The following PIK3C2G variants were observed in gnomAD, a reference collection of about 807,000 sequenced individuals.
The protein encoded by PIK3C2G is phosphatidylinositol 3-kinase C2 domain-containing subunit gamma.
In PIK3C2G, 168 loss-of-function variants were observed where a neutral mutation model predicts 181.1. The ratio of observed to expected loss-of-function variants is 0.93; its 90% CI spans 0.82 to 1.05. The LOEUF is 1.05. PIK3C2G is among the 50% of genes least tolerant of loss of function. The probability of loss-of-function intolerance (pLI) is 0.00; values close to 1 mark genes in which losing one functional copy is unlikely to be tolerated. For synonymous variants in PIK3C2G, 573 were observed against 592.2 expected, an observed-to-expected ratio of 0.97 and a Z score of 0.47; for missense variants, 1,869 against 1,732.8, an observed-to-expected ratio of 1.08 and a Z score of -1.40.
intron 18 of PIK3C2G, among the ~76,000 whole-genome samples, chr12:18,448,811 T>C (rs1947172636): frequency 6.6e-6 from 1 of 151,584 alleles, no homozygotes; most frequent in African/African-American, 2.4e-5. Flanking sequence ...ATGTATATAT[T>C]ATACACACAC....
At chr12:18,685,482 T>C in the PIK3C2G span, 7 of 217,086 alleles carry the variant, frequency 3.2e-5, no homozygotes, top group African/African-American at 1.6e-4. Flanking sequence ...TTTTGTTCTT[T>C]GACTTACATT....
intron 14 of PIK3C2G, among the ~76,000 whole-genome samples, chr12:18,382,454 T>C (rs1592118345): frequency 1.3e-5 from 2 of 152,298 alleles, no homozygotes; most frequent in African/African-American, 4.8e-5. Context: ...TTCCTGATTG[T>C]AGTTTGTCAG....
the PIK3C2G span, among the ~76,000 whole-genome samples, chr12:18,664,418 T>C: frequency 6.6e-6 from 1 of 152,210 alleles, no homozygotes; most frequent in South Asian, 2.1e-4. Flanking sequence ...TTATACATAC[T>C]GTGGAATATT....
chr12:18,505,177 T>C (rs1941739774), intron 23 of PIK3C2G, 115 bp from the exon 24 acceptor site: 1 of 844,248 alleles, frequency 1.2e-6, no homozygotes, highest in Non-Finnish European at 1.8e-6. Context: ...GATGTAGAAA[T>C]TTTTCCTGAT....
the PIK3C2G span, among the ~76,000 whole-genome samples, chr12:18,697,286 A>C: frequency 6.6e-6 from 1 of 152,166 alleles, no homozygotes. Context: ...TAAAAATTAC[A>C]GTTAATTTTA....
the PIK3C2G span, among the ~76,000 whole-genome samples, chr12:18,684,549 A>G: frequency 6.6e-6 from 1 of 152,060 alleles, no homozygotes; most frequent in Non-Finnish European, 1.5e-5. Context: ...AAACTGAGCC[A>G]CAAAGATGTT....
chr12:18,292,059 A>C (rs1211720620), intron 4 of PIK3C2G, among the ~76,000 whole-genome samples: 1 of 150,622 alleles, frequency 6.6e-6, no homozygotes, highest in Non-Finnish European at 1.5e-5. Flanking sequence ...AAATACAAAA[A>C]ATTAGCCAGG....
chr12:18,699,467 T>A, the PIK3C2G span, among the ~76,000 whole-genome samples: 1 of 152,142 alleles, frequency 6.6e-6, no homozygotes, highest in African/African-American at 2.4e-5. Flanking sequence ...AGTTCAAGCC[T>A]TCTAATTCGG....
chr12:18,719,646 A>G, the PIK3C2G span: 7 of 1,551,500 alleles, frequency 4.5e-6, no homozygotes, highest in Non-Finnish European at 6.1e-6. Context: ...AAAAAATAAA[A>G]TAAAATAAGT....
At chr12:18,253,890 C>T (rs983506442) in intron 1 of PIK3C2G, among the ~76,000 whole-genome samples, 11 of 148,928 alleles carry the variant, frequency 7.4e-5, no homozygotes, top group African/African-American at 2.7e-4. Context: ...ATTAGCCAAA[C>T]CTTATCTTCT....
At position 18,532,884 on chromosome 12, in the gene PIK3C2G, T is replaced by G. The variant is rs1282317092; in HGVS notation, c.3324-5272T>G. Among the ~76,000 whole-genome samples, 15 of 44,274 alleles carry G rather than the reference T, an allele frequency of 3.4e-4. No individual in the cohort carries two copies. The Admixed American group carries it at 4.4e-3, about 13-fold the overall frequency. The allele number at this position is 44,274 out of a possible 152,430, so 29.0% of individuals were successfully genotyped here. ...GTGGTTACAATCTAAAAGTTTGCTGTTTTTTTTTTTTTTTTTTCAGCTGCC... is the reference window on the plus strand; with the variant it reads ...GTGGTTACAATCTAAAAGTTTGCTGGTTTTTTTTTTTTTTTTTCAGCTGCC... On this transcript the variant is annotated intron_variant, in intron 24 of 32. Transcript: ENST00000538779.
intron 26 of PIK3C2G, among the ~76,000 whole-genome samples, chr12:18,559,069 C>A (rs996564556): frequency 3.9e-5 from 6 of 151,972 alleles, no homozygotes; most frequent in Non-Finnish European, 8.8e-5. Context: ...AGAGAAAGTT[C>A]AAAAAAGAAT....
At chr12:18,314,408 T>TATG (rs1307347501) in intron 6 of PIK3C2G, 1 of 175,796 alleles carries the variant, frequency 5.7e-6, no homozygotes, top group East Asian at 1.6e-4. Context: ...GCAGAGCCCT[T>TATG]ATGATGAGGT....
intron 30 of PIK3C2G, among the ~76,000 whole-genome samples, chr12:18,609,258 T>C (rs564415801): frequency 3.3e-5 from 5 of 152,124 alleles, no homozygotes; most frequent in African/African-American, 9.6e-5. Context: ...GAGCCAAAAA[T>C]GGCACTGAGG....
chr12:18,631,173 A>T (rs1473115719), intron 31 of PIK3C2G, among the ~76,000 whole-genome samples: 1 of 152,198 alleles, frequency 6.6e-6, no homozygotes, highest in Non-Finnish European at 1.5e-5. Flanking sequence ...ATACGATGCT[A>T]GTAAGAAGAA....
the PIK3C2G span, among the ~76,000 whole-genome samples, chr12:18,670,622 A>G: frequency 6.6e-6 from 1 of 152,180 alleles, no homozygotes; most frequent in African/African-American, 2.4e-5. Flanking sequence ...ACTTAGGATA[A>G]TGCTTGGAAT....
At chr12:18,608,350 A>C (rs1448378845) in intron 30 of PIK3C2G, among the ~76,000 whole-genome samples, 1 of 152,114 alleles carries the variant, frequency 6.6e-6, no homozygotes, top group Non-Finnish European at 1.5e-5. Flanking sequence ...AATGTGGCAC[A>C]TATACACCAT....
intron 13 of PIK3C2G, among the ~76,000 whole-genome samples, chr12:18,375,234 C>G (rs1942352888): frequency 6.6e-6 from 1 of 152,178 alleles, no homozygotes; most frequent in South Asian, 2.1e-4. Context: ...GTGATATAGA[C>G]TCTGTAAAGG....
chr12:18,687,161 T>A, the PIK3C2G span, among the ~76,000 whole-genome samples: 1 of 152,098 alleles, frequency 6.6e-6, no homozygotes, highest in African/African-American at 2.4e-5. Context: ...GATAAGGCAA[T>A]AAAATCTTTC....
Sources: allele counts gnomAD v4.1 joint callset (sites outside exome capture counted in the v4.1 genomes callset), GRCh38; gene constraint gnomAD v4.1.1; transcripts MANE v1.5; gene names NCBI Gene and HGNC (gene_info 2026-07-23, HGNC 2026-07-21).